The following ZC3HAV1 variants were observed in gnomAD, a reference collection of about 807,000 sequenced individuals.
The protein encoded by ZC3HAV1 is zinc finger CCCH-type antiviral protein 1.
In ZC3HAV1, 41 loss-of-function variants were observed where a neutral mutation model predicts 86.6. The observed-to-expected ratio is 0.47, with a 90% CI of 0.37 to 0.61. The LOEUF is 0.61. Among genes scored for constraint, ZC3HAV1 ranks in the 20% least tolerant of loss-of-function variants. ZC3HAV1 has a pLI of 0.00. For synonymous variants in ZC3HAV1, 421 were observed against 432.1 expected, an observed-to-expected ratio of 0.97 and a Z score of 0.32; for missense variants, 964 against 1,141.1, an observed-to-expected ratio of 0.84 and a Z score of 2.24.
At chr7:139,047,997 T>G (rs1816010461) in intron 12 of ZC3HAV1, 144 bp from the exon 13 acceptor site, 1 of 834,014 alleles carries the variant, frequency 1.2e-6, no homozygotes, top group African/African-American at 1.7e-5. Context: ...TCCTTTGCAC[T>G]TAAAAACATG....
chr7:139,080,713 G>GC (rs1265454040), intron 3 of ZC3HAV1, among the ~76,000 whole-genome samples: 1 of 152,172 alleles, frequency 6.6e-6, no homozygotes, highest in Admixed American at 6.5e-5. Context: ...ACTCAAAGTA[G>GC]CCCCCAAACC....
intron 7 of ZC3HAV1, among the ~76,000 whole-genome samples, chr7:139,067,897 G>C (rs1044592237): frequency 5.3e-5 from 8 of 152,102 alleles, no homozygotes; most frequent in Non-Finnish European, 1.2e-4. Context: ...TTCAGCTAGG[G>C]AAGTTAATTG....
At chr7:139,077,006 C>G (rs145683454) in intron 5 of ZC3HAV1, among the ~76,000 whole-genome samples, 11 of 135,834 alleles carry the variant, frequency 8.1e-5, no homozygotes, top group Non-Finnish European at 1.5e-4. Flanking sequence ...CTGCACCCCC[C>G]CAAGTGTATG....
chr7:139,068,019 C>T (rs541531333), intron 7 of ZC3HAV1, among the ~76,000 whole-genome samples: 415 of 145,630 alleles, frequency 2.8e-3, no homozygotes, highest in Admixed American at 6.3e-3. Flanking sequence ...GGACCTCTTT[C>T]TTTCTTTATT....
At chr7:139,098,221 G>A (rs547572893) in intron 1 of ZC3HAV1, among the ~76,000 whole-genome samples, 2 of 152,236 alleles carry the variant, frequency 1.3e-5, no homozygotes, top group East Asian at 1.9e-4. Flanking sequence ...ATTACAGCAT[G>A]AGCCATGGCG....
Position 139,108,947 on chromosome 7 carries a change from T to C in ZC3HAV1, c.308+77A>G. 6.8e-7 allele frequency: 1 copy of C among 1,463,178 alleles called. No individual in the cohort carries two copies. Among genetic ancestry groups the C allele is most frequent in the East Asian group, 2.5e-5 (1 of 39,838 alleles). The allele number at this position is 1,463,178 out of a possible 1,614,324, so 90.6% of individuals were successfully genotyped here. On this transcript the variant is annotated intron_variant, in intron 1 of 12. Transcript: ENST00000242351. This position sits in a 1 kb window ranked among gnomAD's most constrained non-coding sequence, Gnocchi z 4.2. The stretch of plus-strand genomic sequence containing the variant: ...CGGGGTCCCGGCGAAGCCGTGCCCC[T>C]CCCAGAACATTGCCCGCCTGGACAG...
chr7:139,043,648 C>CAA lies in ZC3HAV1; in HGVS notation c.*3944_*3945dup, dbSNP rs1026838033. On this transcript the variant is annotated 3_prime_UTR_variant, in exon 13 of 13. Transcript: ENST00000242351. ...AAAATTTACCCAATATATCAGTGTA[C>CAA]AAAGCATGCTGCTGGGCTGGGCATC... 10 of 152,166 alleles carry CAA rather than the reference C, an allele frequency of 6.6e-5. No homozygotes were observed. The highest frequency in any genetic ancestry group is 2.4e-4 in the African/African-American group (10 of 41,436). 9.4% of individuals were successfully genotyped at this position (152,166 alleles called of 1,614,324 possible).
At chr7:139,067,501 G>C (rs182659099) in intron 7 of ZC3HAV1, among the ~76,000 whole-genome samples, 1 of 152,130 alleles carries the variant, frequency 6.6e-6, no homozygotes, top group African/African-American at 2.4e-5. Flanking sequence ...GGCTGGACCT[G>C]AGCATTAAAT....
chr7:139,089,678 G>A lies in ZC3HAV1; in HGVS notation c.390C>T (p.Asn130=). 3.1e-6 allele frequency: 5 copies of A among 1,612,770 alleles called. No homozygotes were observed. The South Asian group carries it at 3.3e-5, about 11-fold the overall frequency. ...GGAGGAGCACTGCTAATTCCTCTTT[G>A]TTCAGTCCAGAGAGTTCGTGATTTT... ...VLKNHELSGL[N]KEELAVLLLQ... Residue 130 remains asparagine (N), a synonymous_variant, in exon 2 of 13, where the codon AAC becomes AAT. Transcript: ENST00000242351.
chr7:139,055,487 C>T (rs1816257869), intron 9 of ZC3HAV1, among the ~76,000 whole-genome samples, 192 bp from the exon 10 acceptor site: 1 of 152,206 alleles, frequency 6.6e-6, no homozygotes, highest in Admixed American at 6.5e-5. Flanking sequence ...TTTAAAAATG[C>T]TGCAACTATT....
intron 2 of ZC3HAV1, among the ~76,000 whole-genome samples, chr7:139,085,783 C>G (rs867428972): frequency 6.6e-6 from 1 of 152,024 alleles, no homozygotes; most frequent in Non-Finnish European, 1.5e-5. Context: ...GAGGCTGAGG[C>G]GGGAGGATCA....
At chr7:139,064,323 A>T (rs374758591) in intron 8 of ZC3HAV1, among the ~76,000 whole-genome samples, 12 of 152,230 alleles carry the variant, frequency 7.9e-5, no homozygotes, top group African/African-American at 2.9e-4. Flanking sequence ...CTGCCCTGAT[A>T]TCTAACTAAA....
At chr7:139,058,690 G>A (rs1005500108) in intron 9 of ZC3HAV1, among the ~76,000 whole-genome samples, 1 of 152,146 alleles carries the variant, frequency 6.6e-6, no homozygotes, top group Non-Finnish European at 1.5e-5. Flanking sequence ...AAATCGTGAG[G>A]GGTGCTGTAT....
chr7:139,080,337 A>G, intron 3 of ZC3HAV1, 94 bp from the exon 4 acceptor site: 1 of 1,463,672 alleles, frequency 6.8e-7, no homozygotes, highest in Non-Finnish European at 9.4e-7. Context: ...TCACTTTTGT[A>G]GCTTTGCTAT....
In ZC3HAV1 at chr7:139,053,500, A is replaced by T; in HGVS notation, c.2400T>A (p.Asn800Lys). The change falls in exon 12 of 13, where the codon AAT becomes AAA. Residue 800 changes from asparagine (N) to lysine (K), a missense_variant. Coordinates refer to ENST00000242351, the MANE Select transcript of ZC3HAV1 (RefSeq NM_020119.4). Reference protein sequence around the residue: ...SRAYVESICSNNFDSFLHETH... With the variant: ...SRAYVESICSKNFDSFLHETH... The stretch of plus-strand genomic sequence containing the variant: ...TTTCATGTAGGAAACTGTCAAAATT[A>T]TTCGAACAGATAGATTCCACATAGG... 1.2e-6 allele frequency: 2 copies of T among 1,604,480 alleles called. No individual in the cohort carries two copies. Among genetic ancestry groups the T allele is most frequent in the Non-Finnish European group, 1.7e-6 (2 of 1,176,878 alleles).
intron 5 of ZC3HAV1, among the ~76,000 whole-genome samples, chr7:139,077,396 A>C (rs1317491314): frequency 6.6e-6 from 1 of 152,178 alleles, no homozygotes; most frequent in Non-Finnish European, 1.5e-5. Context: ...GGCATGTGCC[A>C]CCACGCCCAG....
At chr7:139,098,595 A>G (rs1817672400) in intron 1 of ZC3HAV1, among the ~76,000 whole-genome samples, 1 of 152,184 alleles carries the variant, frequency 6.6e-6, no homozygotes, top group South Asian at 2.1e-4. Context: ...TGAGCTCGGG[A>G]GTTTTAGATC....
chr7:139,047,451 G>T lies in ZC3HAV1; in HGVS notation c.*143C>A. The T allele has an allele frequency of 8.8e-7, 1 of 1,142,778 alleles. No individual in the cohort carries two copies. Among genetic ancestry groups the T allele is most frequent in the Non-Finnish European group, 1.2e-6 (1 of 809,884 alleles). The allele number at this position is 1,142,778 out of a possible 1,614,324, so 70.8% of individuals were successfully genotyped here. A position where few individuals can be genotyped will look rare whatever the true frequency, so the allele number is the denominator to read the frequency against. On this transcript the variant is annotated 3_prime_UTR_variant, in exon 13 of 13. Coordinates refer to ENST00000242351, the MANE Select transcript of ZC3HAV1 (RefSeq NM_020119.4). ...AAAACCTCCCAGATGATTCTAATAT[G>T]TAGCAAAATTTGGGGACCACTGATC...
intron 2 of ZC3HAV1, among the ~76,000 whole-genome samples, chr7:139,088,426 C>A (rs1278720702): frequency 6.6e-6 from 1 of 152,168 alleles, no homozygotes; most frequent in Non-Finnish European, 1.5e-5. Context: ...TATACAATGT[C>A]CATGTCACAT....
Sources: gnomAD v4.1 joint callset for allele counts (sites outside exome capture counted in the v4.1 genomes callset) on GRCh38, gnomAD v4.1.1 for gene constraint, Gnocchi (gnomAD v3.1) non-coding constraint, MANE v1.5 for transcripts, NCBI Gene and HGNC (gene_info 2026-07-23, HGNC 2026-07-21) for gene names.